EML6: variants seen among roughly 807,000 people sequenced by gnomAD.
EML6 encodes the protein echinoderm microtubule-associated protein-like 6.
In EML6, 154 loss-of-function variants were observed where a neutral mutation model predicts 240.1. That is an observed-to-expected ratio of 0.64 (90% CI 0.56 to 0.73). The LOEUF is 0.73. Among genes scored for constraint, EML6 ranks in the 30% least tolerant of loss-of-function variants. The pLI is 0.00. For synonymous variants in EML6, 1,148 were observed against 899.0 expected (o/e 1.28, Z -4.95); for missense variants, 2,964 against 2,474.6 (o/e 1.20, Z -4.20).
At position 54,863,885 on chromosome 2, in the gene EML6, G is replaced by T; in HGVS notation, c.1928G>T (p.Arg643Leu). Reference protein sequence around the residue: ...IEQEAQINYDRQVYKEDLPQL... With the variant: ...IEQEAQINYDLQVYKEDLPQL... ...CAAGAAGCTCAAATCAATTATGATC[G>T]CCAGGTCGGTAAGCAGGGAGCAATG... The change falls in exon 13 of 42, where the codon CGC (arginine) becomes CTC (leucine). Residue 643 changes from arginine (R) to leucine (L), a missense_variant. Arg to Leu is a moderately radical substitution (Grantham distance 102). Transcript: ENST00000356458. 2.6e-6 allele frequency: 4 copies of T among 1,529,534 alleles called. No individual in the cohort carries two copies. The highest frequency in any genetic ancestry group is 2.7e-6 in the Non-Finnish European group (3 of 1,131,282). The allele number at this position is 1,529,534 out of a possible 1,614,324, so 94.7% of individuals were successfully genotyped here.
At chr2:54,853,507 C>T (rs376516548) in intron 10 of EML6, 136 bp from the exon 11 acceptor site, 19 of 577,234 alleles carry the variant, frequency 3.3e-5, no homozygotes, top group Non-Finnish European at 4.4e-5. Context: ...AAGAAAAAAT[C>T]GCAAATGGGA....
intron 2 of EML6, among the ~76,000 whole-genome samples, chr2:54,787,058 C>G (rs934242653): frequency 4.6e-5 from 7 of 152,110 alleles, no homozygotes; most frequent in African/African-American, 1.7e-4. Context: ...AGATGAGTGC[C>G]TCAGGTGTGC....
chr2:54,892,625 G>C lies in EML6; in HGVS notation c.2711G>C (p.Gly904Ala), dbSNP rs570210438. The C allele has an allele frequency of 7.1e-6, 11 of 1,551,612 alleles. No homozygotes were observed. In the African/African-American group the frequency reaches 1.5e-4, roughly 21 times the overall value. Reference sequence around the variant, plus strand: ...CTGAAGACAGTGAAAGCTCATGATGGGCCTGTGTTTGCTATGTATGCACTG... The same window carrying C: ...CTGAAGACAGTGAAAGCTCATGATGCGCCTGTGTTTGCTATGTATGCACTG... ...LLLKTVKAHD[G>A]PVFAMYALDK... The change falls in exon 19 of 42, where the codon GGG becomes GCG. Residue 904 changes from glycine to alanine, a missense_variant. Physicochemically the swap from Gly to Ala is moderately conservative, Grantham distance 60. Transcript: ENST00000356458.
chr2:54,923,367 G>GCACACACACACACACACACA lies in EML6; in HGVS notation c.3676-4927_3676-4908dup, dbSNP rs113101367. Among the ~76,000 whole-genome samples the GCACACACACACACACACACA allele has an allele frequency of 6.2e-4, 90 of 144,460 alleles. 1 individual carries two copies. Among genetic ancestry groups the GCACACACACACACACACACA allele is most frequent in the Non-Finnish European group, 6.2e-4 (41 of 66,056 alleles). 94.8% of individuals were successfully genotyped at this position (144,460 alleles called of 152,430 possible). On this transcript the variant is annotated intron_variant, in intron 26 of 41. Coordinates refer to ENST00000356458, the MANE Select transcript of EML6 (RefSeq NM_001039753.4). ...TAGATCCTAAGTGTCCTCACCAAAC[G>GCACACACACACACACACACA]CACACACACACACACACACACACAC...
chr2:54,941,355 A>G (rs1675418336), intron 28 of EML6, among the ~76,000 whole-genome samples: 2 of 152,076 alleles, frequency 1.3e-5, no homozygotes, highest in African/African-American at 2.4e-5. Context: ...ATCTGTGGGA[A>G]TTTCAAGCTC....
chr2:54,928,305 C>A lies in EML6; in HGVS notation c.3676-8C>A. The stretch of plus-strand genomic sequence containing the variant: ...GGCTGGGGTAATAACCAATTTCGGG[C>A]TTTACAGGGACAGCACGCAAGATTC... On this transcript the variant is annotated splice_polypyrimidine_tract_variant and splice_region_variant and intron_variant, in intron 26 of 41. Transcript: ENST00000356458. The A allele has an allele frequency of 6.4e-7, 1 of 1,551,142 alleles. No individual in the cohort carries two copies. The highest frequency in any genetic ancestry group is 8.7e-7 in the Non-Finnish European group (1 of 1,146,534).
chr2:54,822,085 G>A (rs558616112), intron 5 of EML6, among the ~76,000 whole-genome samples: 1 of 152,190 alleles, frequency 6.6e-6, no homozygotes, highest in African/African-American at 2.4e-5. Context: ...AAGATCTCTT[G>A]CAAATCCGTA....
chr2:54,799,795 A>T (rs1015787045), intron 2 of EML6, among the ~76,000 whole-genome samples: 3 of 152,226 alleles, frequency 2.0e-5, no homozygotes, highest in Non-Finnish European at 4.4e-5. Flanking sequence ...TTGGAGAGGT[A>T]AAATTAGCTC....
intron 17 of EML6, among the ~76,000 whole-genome samples, chr2:54,886,903 G>A (rs942383413): frequency 1.3e-5 from 2 of 152,142 alleles, no homozygotes; most frequent in South Asian, 2.1e-4. Flanking sequence ...AGATAAAATC[G>A]GTGGTATACC....
At position 54,910,965 on chromosome 2, in the gene EML6, C is replaced by G. The variant is rs1673608427; in HGVS notation, c.3421C>G (p.Gln1141Glu). The G allele has an allele frequency of 6.5e-7, 1 of 1,528,884 alleles. No homozygotes were observed. The highest frequency in any genetic ancestry group is 2.0e-5 in the Admixed American group (1 of 50,834). 94.7% of individuals were successfully genotyped at this position (1,528,884 alleles called of 1,614,324 possible). Residue 1141 changes from glutamine (Q) to glutamate (E), a missense_variant, in exon 25 of 42, where the codon CAA (glutamine) becomes GAA (glutamate). Physicochemically the swap from Gln to Glu is conservative, Grantham distance 29. Coordinates refer to ENST00000356458, the MANE Select transcript of EML6 (RefSeq NM_001039753.4). ...IDWDSRGKLL[Q>E]VNSGAREQLF... is the part of the protein sequence containing the mutation. ...TTCTGTCGTAACAGGAAAATTATTG[C>G]AAGTGAATTCAGGTGCCAGAGAACA... is the stretch of plus-strand genomic sequence containing the variant.
chr2:54,729,226 G>T (rs1683047208), intron 2 of EML6, among the ~76,000 whole-genome samples: 1 of 152,206 alleles, frequency 6.6e-6, no homozygotes, highest in African/African-American at 2.4e-5. Flanking sequence ...TCTGCATCCT[G>T]CAAAGCCCTA....
intron 7 of EML6, among the ~76,000 whole-genome samples, chr2:54,841,586 C>CTTT (rs3038252): frequency 0.069 from 8,252 of 118,782 alleles, 600 homozygotes; most frequent in East Asian, 0.3. Context: ...TTTGTCTTGG[C>CTTT]TTTTTTTTTT....
intron 13 of EML6, among the ~76,000 whole-genome samples, 193 bp downstream of exon 13, chr2:54,864,082 T>C (rs1670833797): frequency 6.6e-6 from 1 of 152,204 alleles, no homozygotes; most frequent in Non-Finnish European, 1.5e-5. Flanking sequence ...TTAAAATTTA[T>C]TTCAGCAGAA....
At position 54,963,966 on chromosome 2, in the gene EML6, T is replaced by G. The variant is rs539730767; in HGVS notation, c.5158-20T>G. ...TGAGGGGGCCAAGAGCTCAGGTGAC[T>G]TTCCTTTGCATCAATGTAGAAGCTG... On this transcript the variant is annotated intron_variant, in intron 36 of 41. Transcript: ENST00000356458. The G allele has an allele frequency of 7.5e-5, 115 of 1,541,278 alleles. 1 individual carries two copies. The South Asian group carries it at 1.4e-3, about 18-fold the overall frequency.
intron 2 of EML6, among the ~76,000 whole-genome samples, chr2:54,797,168 A>AAAAAAAAAAAAAAC (rs1669841030): frequency 7.9e-6 from 1 of 125,908 alleles, no homozygotes; most frequent in Non-Finnish European, 1.8e-5. Flanking sequence ...CCATCTCAAA[A>AAAAAAAAAAAAAAC]AAAAAAAAAA....
At chr2:54,872,153 G>C (rs1460000846) in intron 16 of EML6, among the ~76,000 whole-genome samples, 7 of 152,114 alleles carry the variant, frequency 4.6e-5, no homozygotes. Flanking sequence ...TTTAAAATTT[G>C]AACACAGTAT....
chr2:54,806,673 G>C (rs923838024), intron 2 of EML6, among the ~76,000 whole-genome samples: 23 of 147,674 alleles, frequency 1.6e-4, no homozygotes, highest in Non-Finnish European at 2.7e-4. Flanking sequence ...GTGAGGGGTA[G>C]GTTTCATGTG....
At chr2:54,819,280 C>A (rs1011855902) in intron 4 of EML6, among the ~76,000 whole-genome samples, 1 of 152,190 alleles carries the variant, frequency 6.6e-6, no homozygotes, top group East Asian at 1.9e-4. Context: ...CTACCTCCAT[C>A]AGAATCTCCT....
intron 2 of EML6, among the ~76,000 whole-genome samples, chr2:54,780,787 C>T (rs941606293): frequency 2.6e-5 from 4 of 152,148 alleles, no homozygotes; most frequent in African/African-American, 9.7e-5. Flanking sequence ...GAATAAACTA[C>T]ATTATGGCTT....
Sources: allele counts gnomAD v4.1 joint callset (sites outside exome capture counted in the v4.1 genomes callset), GRCh38; gene constraint gnomAD v4.1.1; transcripts MANE v1.5; gene names NCBI Gene and HGNC (gene_info 2026-07-23, HGNC 2026-07-21).